The following TMC2 variants were observed in gnomAD, a reference collection of about 807,000 sequenced individuals.
The protein encoded by TMC2 is transmembrane channel-like protein 2.
A neutral mutation model predicts 105.9 loss-of-function variants in TMC2; 102 were observed. That is an observed-to-expected ratio of 0.96 (90% CI 0.82 to 1.14). TMC2 has a LOEUF of 1.14. Among genes scored for constraint, TMC2 ranks in the 50% most tolerant of loss-of-function variants. The pLI, the probability that TMC2 is intolerant of heterozygous loss-of-function variation, is 0.00. For missense variants in TMC2, 1,093 were observed against 1,134.3 expected (o/e 0.96, Z 0.52); for synonymous variants, 402 against 422.8 (o/e 0.95, Z 0.60).
At chr20:2,636,675 G>T (rs1232637354) in intron 18 of TMC2, among the ~76,000 whole-genome samples, 2 of 152,178 alleles carry the variant, frequency 1.3e-5, no homozygotes, top group Non-Finnish European at 2.9e-5. Flanking sequence ...CCAGGCTGGA[G>T]TGCAGTGGCA....
intron 5 of TMC2, among the ~76,000 whole-genome samples, chr20:2,577,239 C>T (rs957165255): frequency 2.0e-5 from 3 of 151,882 alleles, no homozygotes; most frequent in Non-Finnish European, 2.9e-5. Flanking sequence ...CAGGGTTTCA[C>T]TATGTTAGCC....
intron 17 of TMC2, among the ~76,000 whole-genome samples, chr20:2,629,034 G>A (rs572796589): frequency 6.3e-4 from 95 of 151,614 alleles, no homozygotes; most frequent in African/African-American, 2.0e-3. Flanking sequence ...CCCGGGAGGC[G>A]GAGCTTGCAG....
Position 2,616,100 on chromosome 20 carries a change from TTTCTC to T in TMC2, c.1873-35_1873-31del. The T allele has an allele frequency of 1.3e-6, 2 of 1,566,734 alleles. No individual in the cohort carries two copies. The highest frequency in any genetic ancestry group is 1.7e-6 in the Non-Finnish European group (2 of 1,143,078). Reference sequence around the variant, plus strand: ...TGAATTCACCAAACGTGCTTTTTTTTTTCTCTCTCTCTCTCGCTCCCTCCCTCCCT... The same window carrying T: ...TGAATTCACCAAACGTGCTTTTTTTTTCTCTCTCTCGCTCCCTCCCTCCCT... On this transcript the variant is annotated intron_variant, in intron 14 of 19. Transcript: ENST00000358864. The surrounding 1 kb of genome is among the most constrained non-coding windows in gnomAD (Gnocchi z 4.8).
chr20:2,552,892 G>C (rs190437149), intron 2 of TMC2, among the ~76,000 whole-genome samples: 1 of 152,108 alleles, frequency 6.6e-6, no homozygotes, highest in South Asian at 2.1e-4. Context: ...CATTGCTGGC[G>C]TATAGGAGTA....
chr20:2,579,034 C>T, intron 5 of TMC2, 112 bp from the exon 6 acceptor site: 1 of 675,160 alleles, frequency 1.5e-6, no homozygotes, highest in Non-Finnish European at 2.7e-6. Context: ...ACAGCAGCTT[C>T]ACCCATGCTG....
chr20:2,542,143 A>G (rs2122793609), intron 2 of TMC2, among the ~76,000 whole-genome samples: 1 of 152,364 alleles, frequency 6.6e-6, no homozygotes, highest in South Asian at 2.1e-4. Flanking sequence ...AGACAGATCA[A>G]CAAGAGGGGA....
rs373813036 is a variant in TMC2 at position 2,536,665 on chromosome 20, C to A, written c.34+10C>A. The A allele has an allele frequency of 4.5e-6, 7 of 1,570,896 alleles. No individual in the cohort carries two copies. Among genetic ancestry groups the A allele is most frequent in the African/African-American group, 4.0e-5 (3 of 74,304 alleles). On this transcript the variant is annotated intron_variant, in intron 1 of 19. Transcript: ENST00000358864. Reference sequence around the variant, plus strand: ...GGCCTGAAAGAGGAAGGTGAGTCCACGTCCTGATCCTGCGGGGCCCGCCCA... The same window carrying A: ...GGCCTGAAAGAGGAAGGTGAGTCCAAGTCCTGATCCTGCGGGGCCCGCCCA...
At chr20:2,571,757 T>C (rs1458235701) in intron 4 of TMC2, among the ~76,000 whole-genome samples, 2 of 152,202 alleles carry the variant, frequency 1.3e-5, no homozygotes, top group South Asian at 2.1e-4. Flanking sequence ...TCCCAGCACT[T>C]TGGGAGGCCG....
At chr20:2,629,932 G>A (rs1263067884) in intron 17 of TMC2, among the ~76,000 whole-genome samples, 1 of 152,150 alleles carries the variant, frequency 6.6e-6, no homozygotes, top group Non-Finnish European at 1.5e-5. Flanking sequence ...GAATTTACTT[G>A]TTGTGATAAG....
intron 2 of TMC2, among the ~76,000 whole-genome samples, chr20:2,540,147 C>T (rs149091191): frequency 0.022 from 3,267 of 151,688 alleles, 116 homozygotes; most frequent in African/African-American, 0.075. Context: ...CCTGCCACCA[C>T]GCCCAGCTAA....
At position 2,637,608 on chromosome 20, in the gene TMC2, AATGATT is replaced by A. The variant is rs1193755764; in HGVS notation, c.2503+21_2503+26del. The A allele has an allele frequency of 6.4e-7, 1 of 1,564,378 alleles. No homozygotes were observed. Among genetic ancestry groups the A allele is most frequent in the South Asian group, 1.1e-5 (1 of 89,920 alleles). ...CCAAGGAAGGTAAGCTCTTTGTCAT[AATGATT>A]ATGTTTTACAAGGCCACATGGAAAG... On this transcript the variant is annotated intron_variant, in intron 19 of 19. Coordinates refer to ENST00000358864, the MANE Select transcript of TMC2 (RefSeq NM_080751.3).
intron 14 of TMC2, 126 bp downstream of exon 14, chr20:2,613,448 G>C: frequency 7.3e-7 from 1 of 1,372,908 alleles, no homozygotes; most frequent in Admixed American, 1.8e-5. Flanking sequence ...CTGCTCTGTA[G>C]AGTAGTAAAG....
chr20:2,569,347 C>G (rs1012684059), intron 4 of TMC2, among the ~76,000 whole-genome samples: 5 of 152,226 alleles, frequency 3.3e-5, no homozygotes, highest in Admixed American at 2.0e-4. Flanking sequence ...TGCTCATTCA[C>G]TCACTCAGTC....
rs2086698508 is a variant in TMC2 at position 2,642,927 on chromosome 20, G to T, written c.*1576G>T. On this transcript the variant is annotated 3_prime_UTR_variant, in exon 20 of 20. Transcript: ENST00000358864. ...CAGGAGAATCCCCCAGACTCAGAAA[G>T]TCAGGCAAAGCCCTGGCAGAGAGAC... Among the ~76,000 whole-genome samples, 1 of 152,132 alleles carries T rather than the reference G, an allele frequency of 6.6e-6. No homozygotes were observed. The highest frequency in any genetic ancestry group is 2.4e-5 in the African/African-American group (1 of 41,388).
At position 2,592,475 on chromosome 20, in the gene TMC2, G is replaced by C; in HGVS notation, c.933+67G>C. 9.5e-7 allele frequency: 1 copy of C among 1,055,662 alleles called. No homozygotes were observed. Among genetic ancestry groups the C allele is most frequent in the Non-Finnish European group, 1.5e-6 (1 of 672,686 alleles). 65.4% of individuals were successfully genotyped at this position (1,055,662 alleles called of 1,614,324 possible). On this transcript the variant is annotated intron_variant, in intron 8 of 19. Coordinates refer to ENST00000358864, the MANE Select transcript of TMC2 (RefSeq NM_080751.3). The surrounding 1 kb of genome is among the most constrained non-coding windows in gnomAD (Gnocchi z 4.9). ...TAAAGGCTAAAGATTGCATGGATAAGTATGAAATAGTGCGTTTAATTATTG... is the reference window on the plus strand; with the variant it reads ...TAAAGGCTAAAGATTGCATGGATAACTATGAAATAGTGCGTTTAATTATTG...
At chr20:2,541,598 A>G (rs1025979938) in intron 2 of TMC2, among the ~76,000 whole-genome samples, 1 of 151,298 alleles carries the variant, frequency 6.6e-6, no homozygotes, top group African/African-American at 2.4e-5. Context: ...CCCAGATTGC[A>G]CCACTGCCCT....
intron 16 of TMC2, among the ~76,000 whole-genome samples, chr20:2,620,896 TCTTC>T (rs1191641558): frequency 1.3e-5 from 2 of 152,228 alleles, no homozygotes; most frequent in Admixed American, 1.3e-4. Flanking sequence ...GTGATTCCTT[TCTTC>T]CTTCCATTTT....
intron 19 of TMC2, 62 bp from the exon 20 acceptor site, chr20:2,641,072 G>A (rs1315650025): frequency 6.9e-7 from 1 of 1,457,024 alleles, no homozygotes; most frequent in Non-Finnish European, 9.6e-7. Flanking sequence ...ACTCCAGAGA[G>A]CTCCAATCCA....
Position 2,605,376 on chromosome 20 carries a change from G to A in TMC2, c.1413+3075G>A, listed in dbSNP as rs928000305. ...TCACCGTTCTGGAGGCTGGAAGTCC[G>A]AGATCAAGGAGTTGGCAGGTTTGCT... is the stretch of plus-strand genomic sequence containing the variant. On this transcript the variant is annotated intron_variant, in intron 11 of 19. Transcript: ENST00000358864. 2.6e-5 allele frequency among the ~76,000 whole-genome samples: 4 copies of A among 152,198 alleles called. No individual in the cohort carries two copies. The East Asian group carries it at 5.8e-4, about 22-fold the overall frequency.
Sources: gnomAD v4.1 joint callset for allele counts (sites outside exome capture counted in the v4.1 genomes callset) on GRCh38, gnomAD v4.1.1 for gene constraint, Gnocchi (gnomAD v3.1) non-coding constraint, MANE v1.5 for transcripts, NCBI Gene and HGNC (gene_info 2026-07-23, HGNC 2026-07-21) for gene names.